Variants in PARD3B observed in about 807,000 individuals in gnomAD.
PARD3B encodes partitioning defective 3 homolog B.
PARD3B carries 103 observed loss-of-function variants against 130.2 expected under a neutral mutation model. The observed-to-expected ratio is 0.79, with a 90% CI of 0.67 to 0.93. The LOEUF (loss-of-function observed/expected upper bound fraction) is 0.93. Among genes scored for constraint, PARD3B ranks in the 40% least tolerant of loss-of-function variants. The pLI is 0.00. For synonymous variants in PARD3B, 583 were observed against 553.2 expected, an observed-to-expected ratio of 1.05 and a Z score of -0.76; for missense variants, 1,609 against 1,499.2, an observed-to-expected ratio of 1.07 and a Z score of -1.21.
intron 19 of PARD3B, among the ~76,000 whole-genome samples, chr2:205,409,586 T>G (rs1191215132): frequency 6.6e-6 from 1 of 152,150 alleles, no homozygotes; most frequent in Non-Finnish European, 1.5e-5. Context: ...TTTATGGGAC[T>G]TGAATCAATG....
chr2:205,037,281 T>TATATATATAGTGGACTATTTGTATAAA, intron 3 of PARD3B, among the ~76,000 whole-genome samples: 1 of 137,392 alleles, frequency 7.3e-6, no homozygotes, highest in South Asian at 2.3e-4. Flanking sequence ...GTATAAAATA[T>TATATATATAGTGGACTATTTGTATAAA]ATATATATAG....
intron 1 of PARD3B, among the ~76,000 whole-genome samples, chr2:204,570,629 A>C (rs969591826): frequency 6.6e-6 from 1 of 152,252 alleles, no homozygotes; most frequent in Non-Finnish European, 1.5e-5. Flanking sequence ...CCTTTTAGGT[A>C]GATTGACCAG....
At chr2:205,210,762 A>G (rs13399738) in intron 15 of PARD3B, among the ~76,000 whole-genome samples, 14,647 of 151,778 alleles carry the variant, frequency 0.097, 930 homozygotes, top group East Asian at 0.31. Flanking sequence ...TAAAAAGGTT[A>G]TTTTATTTTA....
intron 3 of PARD3B, among the ~76,000 whole-genome samples, chr2:205,012,486 T>G (rs1174836999): frequency 6.6e-6 from 1 of 152,190 alleles, no homozygotes; most frequent in African/African-American, 2.4e-5. Context: ...GGATTATGCT[T>G]TCCATGACTC....
chr2:204,553,661 TATATATATATA>T (rs2030673776), intron 1 of PARD3B, among the ~76,000 whole-genome samples: 1 of 12,706 alleles, frequency 7.9e-5, no homozygotes, highest in Non-Finnish European at 2.9e-4. Context: ...CATATATATA[TATATATATATA>T]TATATATATA....
intron 21 of PARD3B, among the ~76,000 whole-genome samples, chr2:205,526,609 AAAC>A (rs2051349380): frequency 6.6e-6 from 1 of 152,140 alleles, no homozygotes; most frequent in South Asian, 2.1e-4. Context: ...TTTGACTTGG[AAAC>A]AACAAGGCAG....
In PARD3B at chr2:205,237,148, A is replaced by G. The variant is rs190814661; in HGVS notation, c.2141-8630A>G. On this transcript the variant is annotated intron_variant, in intron 15 of 22. Coordinates refer to ENST00000406610, the MANE Select transcript of PARD3B (RefSeq NM_001302769.2). Reference sequence around the variant, plus strand: ...GAGTTTTGCCCTTGTCGTCCAGGCTAGGGTGCAATGACGCGATCACTGCTC... The same window carrying G: ...GAGTTTTGCCCTTGTCGTCCAGGCTGGGGTGCAATGACGCGATCACTGCTC... Among the ~76,000 whole-genome samples the G allele has an allele frequency of 6.4e-3, 977 of 152,284 alleles. 12 individuals are homozygous for G. The highest frequency in any genetic ancestry group is 0.022 in the African/African-American group (923 of 41,568).
chr2:205,283,309 A>G (rs1290322885), intron 16 of PARD3B, among the ~76,000 whole-genome samples: 1 of 152,188 alleles, frequency 6.6e-6, no homozygotes, highest in Non-Finnish European at 1.5e-5. Context: ...TTTTTGAGAC[A>G]GTCTCACTGT....
Position 204,902,392 on chromosome 2 carries a change from A to G in PARD3B, c.223-62760A>G, listed in dbSNP as rs529649186. ...GTTGTATAAAGAATGAGTTTCAGCC[A>G]GGCGCGGTGGCTCAGGCCTGTTATC... is the stretch of plus-strand genomic sequence containing the variant. On this transcript the variant is annotated intron_variant, in intron 2 of 22. Transcript: ENST00000406610. Among the ~76,000 whole-genome samples, 142 of 152,182 alleles carry G rather than the reference A, an allele frequency of 9.3e-4. 1 individual carries two copies. Among genetic ancestry groups the G allele is most frequent in the African/African-American group, 3.3e-3 (135 of 41,512 alleles).
intron 3 of PARD3B, among the ~76,000 whole-genome samples, chr2:204,990,497 A>G (rs745648201): frequency 6.6e-6 from 1 of 152,148 alleles, no homozygotes; most frequent in East Asian, 1.9e-4. Flanking sequence ...AACTAATTGT[A>G]TGTTGATACC....
At chr2:205,306,542 T>C (rs2042190058) in intron 18 of PARD3B, among the ~76,000 whole-genome samples, 1 of 152,242 alleles carries the variant, frequency 6.6e-6, no homozygotes, top group African/African-American at 2.4e-5. Flanking sequence ...GGCATGTTCA[T>C]ACTTCATTGC....
At chr2:204,850,276 TAAAC>T (rs963271072) in intron 2 of PARD3B, among the ~76,000 whole-genome samples, 1 of 152,154 alleles carries the variant, frequency 6.6e-6, no homozygotes, top group African/African-American at 2.4e-5. Context: ...TTCTACTAAA[TAAAC>T]AAATGGGAAA....
chr2:204,934,909 T>A (rs756891891), intron 2 of PARD3B, among the ~76,000 whole-genome samples: 24 of 152,164 alleles, frequency 1.6e-4, no homozygotes, highest in Non-Finnish European at 3.4e-4. Flanking sequence ...ATTGATTTAA[T>A]AATAGAAGAA....
chr2:205,217,298 C>A (rs2037965269), intron 15 of PARD3B, among the ~76,000 whole-genome samples: 1 of 152,204 alleles, frequency 6.6e-6, no homozygotes, highest in Non-Finnish European at 1.5e-5. Context: ...CAGACAGCCT[C>A]ATTAGTTAGG....
At chr2:204,790,559 A>C (rs1014888479) in intron 2 of PARD3B, among the ~76,000 whole-genome samples, 1 of 152,156 alleles carries the variant, frequency 6.6e-6, no homozygotes, top group African/African-American at 2.4e-5. Flanking sequence ...GACTGACTGA[A>C]TGAATTTTAT....
chr2:205,489,040 T>C (rs1039040428), intron 20 of PARD3B, among the ~76,000 whole-genome samples: 2 of 152,222 alleles, frequency 1.3e-5, no homozygotes, highest in South Asian at 2.1e-4. Context: ...TTTGCATGTA[T>C]GTATGCTTGT....
chr2:204,965,962 A>G (rs1435381125), intron 3 of PARD3B, among the ~76,000 whole-genome samples: 1 of 152,186 alleles, frequency 6.6e-6, no homozygotes, highest in Non-Finnish European at 1.5e-5. Context: ...ATTTAACTGC[A>G]TGAAGTTTTT....
rs558818785 is a variant in PARD3B at position 205,440,544 on chromosome 2, A to T, written c.2916A>T (p.Pro972=). The change falls in exon 20 of 23, where the codon CCA becomes CCT. Residue 972 remains proline (P), a synonymous_variant. Transcript: ENST00000406610. This position sits in a 1 kb window ranked among gnomAD's most constrained non-coding sequence, Gnocchi z 4.2. ...PCTSANVFRS[P]SPPRAGPFGY... ...CATCAGCAAATGTCTTTAGATCTCC[A>T]TCTCCCCCTCGAGCTGGACCATTTG... The T allele has an allele frequency of 6.2e-7, 1 of 1,613,964 alleles. No homozygotes were observed. Among genetic ancestry groups the T allele is most frequent in the African/African-American group, 1.3e-5 (1 of 74,984 alleles).
At chr2:204,609,128 T>C (rs1487913630) in intron 1 of PARD3B, among the ~76,000 whole-genome samples, 1 of 152,232 alleles carries the variant, frequency 6.6e-6, no homozygotes, top group Non-Finnish European at 1.5e-5. Context: ...AGGATTAGCC[T>C]TTCTCAGTAG....
Sources: allele counts gnomAD v4.1 joint callset (sites outside exome capture counted in the v4.1 genomes callset), GRCh38; gene constraint gnomAD v4.1.1; non-coding constraint Gnocchi (gnomAD v3.1); transcripts MANE v1.5; gene names NCBI Gene and HGNC (gene_info 2026-07-23, HGNC 2026-07-21).